The following EYA1 variants were observed in gnomAD, a reference collection of about 807,000 sequenced individuals.
EYA1 encodes EYA transcriptional coactivator and phosphatase 1.
In EYA1, 16 loss-of-function variants were observed where a neutral mutation model predicts 82.0. That is an observed-to-expected ratio of 0.20 (90% CI 0.13 to 0.30). The LOEUF (loss-of-function observed/expected upper bound fraction) is 0.30. EYA1 is among the 10% of genes least tolerant of loss of function. EYA1 has a pLI of 1.00. For missense variants in EYA1, 633 were observed against 730.7 expected (o/e 0.87, Z 1.54); for synonymous variants, 261 against 264.4 (o/e 0.99, Z 0.12).
At chr8:71,322,562 A>T (rs1228019021) in intron 4 of EYA1, 2 of 409,192 alleles carry the variant, frequency 4.9e-6, no homozygotes, top group African/African-American at 4.1e-5. Flanking sequence ...TACAGTGGCA[A>T]TACTTAAAGA....
At chr8:71,360,750 T>C (rs1410396722) in intron 1 of EYA1, among the ~76,000 whole-genome samples, 1 of 152,208 alleles carries the variant, frequency 6.6e-6, no homozygotes, top group Non-Finnish European at 1.5e-5. Context: ...CCCAAACCTA[T>C]AAAACTACAC....
At chr8:71,274,524 A>AT (rs1816903068) in intron 9 of EYA1, among the ~76,000 whole-genome samples, 1 of 152,170 alleles carries the variant, frequency 6.6e-6, no homozygotes, top group African/African-American at 2.4e-5. Context: ...GCATTCATTG[A>AT]TTTTAACAAA....
At chr8:71,398,118 G>C (rs1429413697) in intron 2 of EYA1, among the ~76,000 whole-genome samples, 2 of 152,076 alleles carry the variant, frequency 1.3e-5, no homozygotes, top group African/African-American at 2.4e-5. Context: ...CGTAGTTCTT[G>C]TGCCATGGTT....
intron 2 of EYA1, among the ~76,000 whole-genome samples, chr8:71,456,469 A>T (rs181580663): frequency 3.7e-4 from 56 of 152,330 alleles, no homozygotes; most frequent in African/African-American, 1.3e-3. Flanking sequence ...AGCCAAAAGA[A>T]CAAAGCTGGA....
intron 12 of EYA1, among the ~76,000 whole-genome samples, chr8:71,219,477 G>C (rs777096919): frequency 1.3e-5 from 2 of 152,104 alleles, no homozygotes; most frequent in East Asian, 1.9e-4. Context: ...CTATGTAATT[G>C]TTGCTTATTT....
intron 16 of EYA1, among the ~76,000 whole-genome samples, chr8:71,212,001 A>G (rs1229583566): frequency 6.6e-6 from 1 of 152,148 alleles, no homozygotes; most frequent in African/African-American, 2.4e-5. Context: ...GTCATGACTT[A>G]GTTTGGGCTC....
intron 12 of EYA1, among the ~76,000 whole-genome samples, chr8:71,237,483 TC>T (rs1811985660): frequency 6.6e-6 from 1 of 152,162 alleles, no homozygotes; most frequent in African/African-American, 2.4e-5. Flanking sequence ...CTCAGTTGTG[TC>T]TTTAATATTA....
chr8:71,380,027 C>T (rs955389047), intron 2 of EYA1, among the ~76,000 whole-genome samples: 2 of 152,182 alleles, frequency 1.3e-5, no homozygotes, highest in Non-Finnish European at 2.9e-5. Flanking sequence ...CCGGCACCTG[C>T]CGCTGAAGGT....
In EYA1 at chr8:71,503,223, C is replaced by T. The variant is rs529325174; in HGVS notation, c.33+32521G>A. ...CAAAAGGGAAGCGATCAGCTGGGTG[C>T]GGTGGCTCATGCCTGTAATCCAGGC... On this transcript the variant is annotated intron_variant, in intron 2 of 18. Transcript: ENST00000643681. Among the ~76,000 whole-genome samples the T allele has an allele frequency of 4.6e-5, 7 of 152,142 alleles. No individual in the cohort carries two copies. The South Asian group carries it at 1.2e-3, about 27-fold the overall frequency.
chr8:71,417,760 T>C (rs1830934628), intron 2 of EYA1, among the ~76,000 whole-genome samples: 1 of 152,172 alleles, frequency 6.6e-6, no homozygotes, highest in Non-Finnish European at 1.5e-5. Flanking sequence ...GAAACCCTGC[T>C]TCAGGCCTGC....
intron 2 of EYA1, among the ~76,000 whole-genome samples, chr8:71,535,529 A>C (rs887040759): frequency 6.6e-6 from 1 of 152,208 alleles, no homozygotes; most frequent in African/African-American, 2.4e-5. Context: ...GTATGACTCT[A>C]CTTTTGATAA....
chr8:71,422,477 A>G (rs1338979385), intron 2 of EYA1, among the ~76,000 whole-genome samples: 1 of 152,198 alleles, frequency 6.6e-6, no homozygotes, highest in East Asian at 1.9e-4. Flanking sequence ...GAATGTGTTC[A>G]TAATTAGGGT....
At chr8:71,494,012 G>A (rs1650053449) in intron 2 of EYA1, among the ~76,000 whole-genome samples, 1 of 49,632 alleles carries the variant, frequency 2.0e-5, no homozygotes, top group Non-Finnish European at 3.6e-5. Context: ...GACAGAGCGA[G>A]ACTCCGTCTC....
intron 9 of EYA1, among the ~76,000 whole-genome samples, chr8:71,284,734 A>G (rs1818183633): frequency 6.6e-6 from 1 of 152,228 alleles, no homozygotes; most frequent in Non-Finnish European, 1.5e-5. Context: ...CCGAATTCTG[A>G]TGGAAAGGAT....
At chr8:71,315,156 T>C (rs933054113) in intron 7 of EYA1, among the ~76,000 whole-genome samples, 2 of 152,118 alleles carry the variant, frequency 1.3e-5, no homozygotes, top group African/African-American at 4.8e-5. Flanking sequence ...CTTCACAGAC[T>C]GACAACTGAG....
chr8:71,433,435 G>A (rs568294629), intron 2 of EYA1, among the ~76,000 whole-genome samples: 8 of 152,230 alleles, frequency 5.3e-5, no homozygotes, highest in South Asian at 4.2e-4. Flanking sequence ...CAGAGCTTAC[G>A]TTCAGAAGAA....
intron 12 of EYA1, among the ~76,000 whole-genome samples, chr8:71,235,721 G>C (rs774475907): frequency 1.3e-5 from 2 of 152,078 alleles, no homozygotes; most frequent in African/African-American, 4.8e-5. Flanking sequence ...GGTACTTAAT[G>C]GTTATTCAAT....
At chr8:71,517,752 T>C (rs1419195517) in intron 2 of EYA1, among the ~76,000 whole-genome samples, 1 of 149,056 alleles carries the variant, frequency 6.7e-6, no homozygotes, top group Non-Finnish European at 1.5e-5. Context: ...TATAACTGTA[T>C]ATTCTAAATA....
chr8:71,264,959 C>A (rs192498869), intron 11 of EYA1, among the ~76,000 whole-genome samples: 3 of 152,156 alleles, frequency 2.0e-5, no homozygotes, highest in African/African-American at 7.2e-5. Flanking sequence ...AAAATTGAGG[C>A]TCAGTAAGAA....
Sources: gnomAD v4.1 joint callset for allele counts (sites outside exome capture counted in the v4.1 genomes callset) on GRCh38, gnomAD v4.1.1 for gene constraint, MANE v1.5 for transcripts, NCBI Gene and HGNC (gene_info 2026-07-23, HGNC 2026-07-21) for gene names.